NFIB: variants seen among roughly 807,000 people sequenced by gnomAD.
The protein encoded by NFIB is nuclear factor 1 B-type.
Under a neutral mutation model 61.5 loss-of-function variants are expected in NFIB, and 11 were observed. That is an observed-to-expected ratio of 0.18 (90% CI 0.11 to 0.30). The LOEUF (loss-of-function observed/expected upper bound fraction) is 0.30. NFIB is among the 10% of genes least tolerant of loss of function. The pLI is 1.00. For missense variants in NFIB, 471 were observed against 608.9 expected (o/e 0.77, Z 2.38); for synonymous variants, 260 against 216.5 (o/e 1.20, Z -1.76).
At chr9:14,088,367 A>T (rs539579126) in intron 10 of NFIB, 41 bp from the exon 11 acceptor site, 2 of 1,488,148 alleles carry the variant, frequency 1.3e-6, no homozygotes, top group South Asian at 2.8e-5. Context: ...AAGAAAAAAG[A>T]AAAAAATACA....
chr9:14,137,257 A>T (rs1282437586), intron 6 of NFIB, among the ~76,000 whole-genome samples: 1 of 152,190 alleles, frequency 6.6e-6, no homozygotes, highest in Non-Finnish European at 1.5e-5. Context: ...TCTATCAATC[A>T]TTTGTTGCAC....
chr9:14,503,762 C>T, the NFIB span, among the ~76,000 whole-genome samples: 2 of 152,060 alleles, frequency 1.3e-5, no homozygotes, highest in Admixed American at 6.6e-5. Context: ...ATTTTCTCCC[C>T]TTCTGTGGGT....
intron 2 of NFIB, among the ~76,000 whole-genome samples, chr9:14,290,962 T>G (rs750183750): frequency 6.6e-6 from 1 of 152,158 alleles, no homozygotes; most frequent in Non-Finnish European, 1.5e-5. Flanking sequence ...TTTGTTCACC[T>G]ATTTTTCCAT....
the NFIB span, among the ~76,000 whole-genome samples, chr9:14,420,152 G>C: frequency 6.6e-6 from 1 of 151,926 alleles, no homozygotes; most frequent in African/African-American, 2.4e-5. Flanking sequence ...AATCAACAAT[G>C]ACGTTATTAA....
chr9:14,320,841 T>TA (rs1309733106), intron 1 of NFIB, among the ~76,000 whole-genome samples: 1 of 152,188 alleles, frequency 6.6e-6, no homozygotes, highest in African/African-American at 2.4e-5. Context: ...TATTGGAAGT[T>TA]AAAGTTACAA....
At chr9:14,151,767 T>C (rs569379111) in intron 4 of NFIB, among the ~76,000 whole-genome samples, 7 of 152,166 alleles carry the variant, frequency 4.6e-5, no homozygotes, top group Admixed American at 2.0e-4. Flanking sequence ...TAGTTTCCAT[T>C]TCTTTACCTG....
chr9:14,263,691 C>T (rs960973201), intron 2 of NFIB, among the ~76,000 whole-genome samples: 10 of 152,054 alleles, frequency 6.6e-5, no homozygotes, highest in Admixed American at 2.6e-4. Context: ...GCATCTGTGA[C>T]GAAGAACAGT....
rs1473758770 is a variant in NFIB at position 14,084,779 on chromosome 9, G to A, written c.*3530C>T. The A allele has an allele frequency of 8.7e-6, 2 of 229,140 alleles. No homozygotes were observed. The highest frequency in any genetic ancestry group is 1.7e-5 in the Non-Finnish European group (2 of 115,626). 14.2% of individuals were successfully genotyped at this position (229,140 alleles called of 1,614,324 possible). A position where few individuals can be genotyped will look rare whatever the true frequency, so the allele number is the denominator to read the frequency against. On this transcript the variant is annotated 3_prime_UTR_variant, in exon 11 of 11. Coordinates refer to ENST00000380953, the MANE Select transcript of NFIB (RefSeq NM_001190737.2). Reference sequence around the variant, plus strand: ...GAATATACTTCCTGGTACACGAGGAGGAGGCCGAAAAGTTGATTTGAGATT... The same window carrying A: ...GAATATACTTCCTGGTACACGAGGAAGAGGCCGAAAAGTTGATTTGAGATT...
At chr9:14,393,248 C>T (rs1192081636) in intron 1 of NFIB, among the ~76,000 whole-genome samples, 1 of 152,086 alleles carries the variant, frequency 6.6e-6, no homozygotes, top group East Asian at 1.9e-4. Context: ...CCTCCCAGTG[C>T]ACTGGAACAT....
At chr9:14,280,271 C>G (rs753225303) in intron 2 of NFIB, among the ~76,000 whole-genome samples, 1 of 152,132 alleles carries the variant, frequency 6.6e-6, no homozygotes, top group Non-Finnish European at 1.5e-5. Context: ...TTTTTCTGTT[C>G]TTTCGTTCCC....
chr9:14,493,299 C>A, the NFIB span, among the ~76,000 whole-genome samples: 1 of 152,102 alleles, frequency 6.6e-6, no homozygotes, highest in Admixed American at 6.5e-5. Context: ...ATATGATTGG[C>A]TAGCAGTTAT....
intron 3 of NFIB, among the ~76,000 whole-genome samples, chr9:14,164,127 T>A (rs2044504933): frequency 1.3e-5 from 2 of 150,568 alleles, no homozygotes; most frequent in East Asian, 1.9e-4. Context: ...AAAGAAATAT[T>A]TAAAAAAATA....
chr9:14,109,048 G>A (rs1026665165), intron 10 of NFIB, among the ~76,000 whole-genome samples: 2 of 152,006 alleles, frequency 1.3e-5, no homozygotes, highest in African/African-American at 4.8e-5. Context: ...AAATTAGCCA[G>A]ATTCTCTTGT....
At chr9:14,257,722 CTTT>C in intron 2 of NFIB, among the ~76,000 whole-genome samples, 1 of 152,074 alleles carries the variant, frequency 6.6e-6, no homozygotes, top group Non-Finnish European at 1.5e-5. Context: ...CTTCACAGCA[CTTT>C]AGCCTGAGCG....
intron 1 of NFIB, among the ~76,000 whole-genome samples, chr9:14,360,271 C>T (rs2061222994): frequency 6.6e-6 from 1 of 152,160 alleles, no homozygotes; most frequent in Non-Finnish European, 1.5e-5. Context: ...TAAGAGCTTA[C>T]AATTTATTTG....
chr9:14,406,245 G>A, the NFIB span, among the ~76,000 whole-genome samples: 31 of 152,280 alleles, frequency 2.0e-4, no homozygotes, highest in African/African-American at 6.5e-4. Context: ...TTTTCATAAC[G>A]TCTTTCCCCC....
the NFIB span, among the ~76,000 whole-genome samples, chr9:14,447,531 G>T: frequency 6.6e-6 from 1 of 152,152 alleles, no homozygotes; most frequent in Non-Finnish European, 1.5e-5. Flanking sequence ...GTAAATCTCA[G>T]ACAAACTGTG....
At chr9:14,135,938 T>C (rs1449049018) in intron 6 of NFIB, among the ~76,000 whole-genome samples, 1 of 152,230 alleles carries the variant, frequency 6.6e-6, no homozygotes, top group Non-Finnish European at 1.5e-5. Flanking sequence ...TCTTTTCTAA[T>C]AGTTTAAGTC....
At chr9:14,270,991 C>T (rs1474915234) in intron 2 of NFIB, among the ~76,000 whole-genome samples, 2 of 152,118 alleles carry the variant, frequency 1.3e-5, no homozygotes, top group African/African-American at 4.8e-5. Flanking sequence ...GATTCGCTCC[C>T]ATGTGGATAT....
Sources: gnomAD v4.1 joint callset for allele counts (sites outside exome capture counted in the v4.1 genomes callset) on GRCh38, gnomAD v4.1.1 for gene constraint, MANE v1.5 for transcripts, NCBI Gene and HGNC (gene_info 2026-07-23, HGNC 2026-07-21) for gene names.